The following TAFA5 variants were observed in gnomAD, a reference collection of about 807,000 sequenced individuals.
The protein encoded by TAFA5 is TAFA chemokine like family member 5.
A neutral mutation model predicts 15.3 loss-of-function variants in TAFA5; 6 were observed. The ratio of observed to expected loss-of-function variants is 0.39; its 90% CI spans 0.21 to 0.77. TAFA5 has a LOEUF of 0.77. Ranked by LOEUF, TAFA5 falls within the 30% of genes least tolerant of loss-of-function variation. The pLI, the probability that TAFA5 is intolerant of heterozygous loss-of-function variation, is 0.41. For synonymous variants in TAFA5, 103 were observed against 80.7 expected (o/e 1.28, Z -1.48); for missense variants, 161 against 193.1 (o/e 0.83, Z 0.98).
chr22:48,568,793 C>T (rs1201677389), intron 1 of TAFA5, among the ~76,000 whole-genome samples: 1 of 152,236 alleles, frequency 6.6e-6, no homozygotes, highest in Non-Finnish European at 1.5e-5. Flanking sequence ...TGAGCCTGGA[C>T]TGCCAGCCCA....
chr22:48,717,164 G>C (rs1375946560), intron 3 of TAFA5, among the ~76,000 whole-genome samples: 1 of 152,198 alleles, frequency 6.6e-6, no homozygotes, highest in Non-Finnish European at 1.5e-5. Context: ...AAACTCAGAG[G>C]GAAAAACCAG....
chr22:48,518,578 G>A (rs950736043), intron 1 of TAFA5, among the ~76,000 whole-genome samples: 1 of 152,178 alleles, frequency 6.6e-6, no homozygotes. Context: ...CAGTTCTCAC[G>A]GCATTATTGT....
rs116258767 is a variant in TAFA5 at position 48,538,186 on chromosome 22, C to T, written c.112+48482C>T. ...CCGAGATGGCCCGGGGCTGCAGAGC[C>T]GAAAATATTGACTACCTGGCGCTCT... On this transcript the variant is annotated intron_variant, in intron 1 of 3. Coordinates refer to ENST00000402357, the MANE Select transcript of TAFA5 (RefSeq NM_001082967.3). Among the ~76,000 whole-genome samples, 498 of 151,350 alleles carry T rather than the reference C, an allele frequency of 3.3e-3. 2 individuals are homozygous for T. Among genetic ancestry groups the T allele is most frequent in the African/African-American group, 0.011 (465 of 41,178 alleles).
intron 1 of TAFA5, among the ~76,000 whole-genome samples, chr22:48,542,925 T>A (rs1445862439): frequency 1.3e-5 from 2 of 150,794 alleles, no homozygotes; most frequent in Non-Finnish European, 3.0e-5. Context: ...TGTGTACTGG[T>A]GTACTGTCTG....
chr22:48,491,615 A>G (rs1928156957), intron 1 of TAFA5, among the ~76,000 whole-genome samples: 1 of 152,272 alleles, frequency 6.6e-6, no homozygotes, highest in Admixed American at 6.5e-5. Context: ...CGAGCCCGCG[A>G]GGAGCGCGGT....
intron 2 of TAFA5, among the ~76,000 whole-genome samples, chr22:48,704,744 C>T (rs1039628970): frequency 2.6e-5 from 4 of 152,048 alleles, no homozygotes; most frequent in African/African-American, 9.7e-5. Flanking sequence ...GAGGGATGTT[C>T]CCATGTCTCC....
intron 3 of TAFA5, among the ~76,000 whole-genome samples, chr22:48,744,652 A>G (rs1169537955): frequency 6.6e-6 from 1 of 152,182 alleles, no homozygotes; most frequent in East Asian, 1.9e-4. Context: ...TTCCGGCGAC[A>G]CGGTCCTAAC....
chr22:48,647,202 C>T (rs1459209297), intron 2 of TAFA5, among the ~76,000 whole-genome samples: 5 of 152,138 alleles, frequency 3.3e-5, no homozygotes, highest in East Asian at 1.9e-4. Flanking sequence ...TGCCTAGACT[C>T]GGGAGGCCGC....
In TAFA5 at chr22:48,576,039, A is replaced by ACC. The variant is rs535068094; in HGVS notation, c.113-70545_113-70544dup. Among the ~76,000 whole-genome samples, 41 of 31,432 alleles carry ACC rather than the reference A, an allele frequency of 1.3e-3. 14 individuals are homozygous for ACC. Among genetic ancestry groups the ACC allele is most frequent in the African/African-American group, 7.3e-3 (31 of 4,258 alleles). The allele number at this position is 31,432 out of a possible 152,430, so 20.6% of individuals were successfully genotyped here. On this transcript the variant is annotated intron_variant, in intron 1 of 3. Coordinates refer to ENST00000402357, the MANE Select transcript of TAFA5 (RefSeq NM_001082967.3). ...GAGGAGGGGGCCGGGGCCGCGCCGG[A>ACC]CCCCCCCCCCCCCCGCGCCGCCCGG...
intron 2 of TAFA5, among the ~76,000 whole-genome samples, chr22:48,655,700 A>T (rs6010562): frequency 0.8 from 120,971 of 152,018 alleles, 48,315 homozygotes; most frequent in East Asian, 0.91. Context: ...GAAATACGTG[A>T]ATGTTCTTAA....
chr22:48,729,727 T>C (rs896751011), intron 3 of TAFA5, among the ~76,000 whole-genome samples: 2 of 147,486 alleles, frequency 1.4e-5, no homozygotes, highest in Non-Finnish European at 3.0e-5. Flanking sequence ...TAAATTTAAA[T>C]ATAAAACATA....
chr22:48,643,488 C>A (rs1308563828), intron 1 of TAFA5, among the ~76,000 whole-genome samples: 1 of 152,048 alleles, frequency 6.6e-6, no homozygotes. Context: ...CCAGTGTGCA[C>A]TTTGGTGTGG....
intron 1 of TAFA5, among the ~76,000 whole-genome samples, chr22:48,495,813 A>G (rs1174674986): frequency 6.6e-6 from 1 of 151,682 alleles, no homozygotes; most frequent in Non-Finnish European, 1.5e-5. Flanking sequence ...CCCGGCTCTC[A>G]CCCTCTCCCC....
At chr22:48,730,631 T>C (rs1375799080) in intron 3 of TAFA5, among the ~76,000 whole-genome samples, 1 of 152,228 alleles carries the variant, frequency 6.6e-6, no homozygotes, top group Non-Finnish European at 1.5e-5. Context: ...TAATTTCCCC[T>C]GTATTTCAAA....
intron 1 of TAFA5, among the ~76,000 whole-genome samples, chr22:48,609,761 C>T (rs933144485): frequency 3.9e-5 from 6 of 152,180 alleles, no homozygotes; most frequent in East Asian, 1.9e-4. Context: ...ATCAGGGCCC[C>T]GCAGGTCCGC....
At chr22:48,546,589 G>A (rs778494353) in intron 1 of TAFA5, 12 of 471,062 alleles carry the variant, frequency 2.5e-5, no homozygotes, top group Non-Finnish European at 4.0e-5. Context: ...TGCATCCAGC[G>A]AGCTTTGGGG....
chr22:48,508,427 G>A (rs1921088524), intron 1 of TAFA5, among the ~76,000 whole-genome samples: 7 of 152,220 alleles, frequency 4.6e-5, no homozygotes, highest in Non-Finnish European at 1.0e-4. Flanking sequence ...AAAGGAACAG[G>A]GTGTGCCCAG....
chr22:48,507,172 TGTGTAGTTGGAGAAGGAGACGGCC>T (rs1921023168), intron 1 of TAFA5, among the ~76,000 whole-genome samples: 8 of 103,136 alleles, frequency 7.8e-5, no homozygotes, highest in African/African-American at 3.8e-4. Flanking sequence ...AAGGGCCAGG[TGTGTAGTTGGAGAAGGAGACGGCC>T]GCCAAGGGCC....
chr22:48,559,894 G>A (rs1005570424), intron 1 of TAFA5, among the ~76,000 whole-genome samples: 3 of 152,334 alleles, frequency 2.0e-5, no homozygotes, highest in East Asian at 1.9e-4. Flanking sequence ...TGCGGTCGCC[G>A]TGCACTGAAT....
Sources: gnomAD v4.1 joint callset for allele counts (sites outside exome capture counted in the v4.1 genomes callset) on GRCh38, gnomAD v4.1.1 for gene constraint, MANE v1.5 for transcripts, NCBI Gene and HGNC (gene_info 2026-07-23, HGNC 2026-07-21) for gene names.